FPR3: variants seen among roughly 807,000 people sequenced by gnomAD.
FPR3 encodes formyl peptide receptor 3.
For missense variants in FPR3, 346 were observed against 443.2 expected (o/e 0.78, Z 1.97); for synonymous variants, 135 against 163.6 (o/e 0.83, Z 1.34).
At chr19:51,806,573 GC>G (rs1281977242) in intron 1 of FPR3, among the ~76,000 whole-genome samples, 1 of 152,172 alleles carries the variant, frequency 6.6e-6, no homozygotes, top group Non-Finnish European at 1.5e-5. Flanking sequence ...TGTTTGATGT[GC>G]CCATTCTATA....
chr19:51,796,773 C>T (rs1034819880), intron 1 of FPR3, among the ~76,000 whole-genome samples: 14 of 152,074 alleles, frequency 9.2e-5, no homozygotes, highest in Non-Finnish European at 1.9e-4. Flanking sequence ...GTCTGGGAGG[C>T]AGAGAACATC....
chr19:51,803,290 TCTCA>T (rs755598443), intron 1 of FPR3, among the ~76,000 whole-genome samples: 4 of 152,174 alleles, frequency 2.6e-5, no homozygotes, highest in Non-Finnish European at 5.9e-5. Flanking sequence ...AATACAGTAC[TCTCA>T]CTAACAACTG....
chr19:51,811,698 GGAATAAAA>G (rs1683460425), intron 1 of FPR3: 1 of 152,174 alleles, frequency 6.6e-6, no homozygotes, highest in African/African-American at 2.4e-5. Flanking sequence ...GATGAACACG[GGAATAAAA>G]GACAAGAGAC....
chr19:51,801,762 T>C (rs964574803), intron 1 of FPR3, among the ~76,000 whole-genome samples: 9 of 152,186 alleles, frequency 5.9e-5, no homozygotes, highest in African/African-American at 1.9e-4. Flanking sequence ...GCTGCACGAA[T>C]TGACAAAATT....
rs577260775 is a variant in FPR3 at position 51,800,493 on chromosome 19, G to A, written c.-11+5162G>A. Among the ~76,000 whole-genome samples the A allele has an allele frequency of 2.6e-5, 4 of 152,300 alleles. No individual in the cohort carries two copies. The East Asian group carries it at 5.8e-4, about 22-fold the overall frequency. On this transcript the variant is annotated intron_variant, in intron 1 of 1. Coordinates refer to ENST00000339223, the MANE Select transcript of FPR3 (RefSeq NM_002030.5). Reference sequence around the variant, plus strand: ...GAGGTCTGGAAGTGGAGCATGGCCCGTTGCCTGGGAAAATGTTGATAACAT... The same window carrying A: ...GAGGTCTGGAAGTGGAGCATGGCCCATTGCCTGGGAAAATGTTGATAACAT...
At chr19:51,815,180 CA>C (rs1014688857) in intron 1 of FPR3, among the ~76,000 whole-genome samples, 1 of 152,088 alleles carries the variant, frequency 6.6e-6, no homozygotes, top group Non-Finnish European at 1.5e-5. Flanking sequence ...CTGACCACCA[CA>C]AAAATCAAGT....
At chr19:51,801,831 C>A (rs1453704083) in intron 1 of FPR3, among the ~76,000 whole-genome samples, 2 of 152,186 alleles carry the variant, frequency 1.3e-5, no homozygotes, top group African/African-American at 4.8e-5. Context: ...ATTAAATTTA[C>A]TTACTCTACT....
At chr19:51,795,664 C>A (rs1355370487) in intron 1 of FPR3, among the ~76,000 whole-genome samples, 3 of 151,600 alleles carry the variant, frequency 2.0e-5, no homozygotes, top group Admixed American at 6.6e-5. Flanking sequence ...CAGGCACCTG[C>A]CACCACGCCT....
At chr19:51,808,292 T>C (rs1330973753) in intron 1 of FPR3, among the ~76,000 whole-genome samples, 1 of 152,222 alleles carries the variant, frequency 6.6e-6, no homozygotes, top group Non-Finnish European at 1.5e-5. Flanking sequence ...TCTGAGTCCA[T>C]ACACTTCTCT....
At chr19:51,817,358 A>T (rs985687866) in intron 1 of FPR3, among the ~76,000 whole-genome samples, 4 of 152,164 alleles carry the variant, frequency 2.6e-5, no homozygotes, top group Non-Finnish European at 5.9e-5. Context: ...CCAAAAACTA[A>T]GTTGTTTATC....
At chr19:51,798,318 C>A (rs10412841) in intron 1 of FPR3, among the ~76,000 whole-genome samples, 13,733 of 151,994 alleles carry the variant, frequency 0.09, 865 homozygotes, top group African/African-American at 0.17. Context: ...CTCTGGATAG[C>A]GGCCAGGGGT....
At chr19:51,796,294 G>C (rs1338479789) in intron 1 of FPR3, among the ~76,000 whole-genome samples, 1 of 152,220 alleles carries the variant, frequency 6.6e-6, no homozygotes, top group Non-Finnish European at 1.5e-5. Flanking sequence ...AGTGGGTGGA[G>C]CCCAGTGTGT....
chr19:51,800,999 C>T (rs1353508835), intron 1 of FPR3, among the ~76,000 whole-genome samples: 2 of 152,086 alleles, frequency 1.3e-5, no homozygotes, highest in African/African-American at 4.8e-5. Context: ...TGGCACCGGG[C>T]CCTTTTCCTC....
chr19:51,823,626 G>C (rs532792587), intron 1 of FPR3, 113 bp from the exon 2 acceptor site: 2 of 795,968 alleles, frequency 2.5e-6, no homozygotes, highest in Non-Finnish European at 4.0e-6. Flanking sequence ...CATTCACAAG[G>C]CTCACTGGGG....
chr19:51,816,439 G>C (rs2084137677), intron 1 of FPR3, among the ~76,000 whole-genome samples: 1 of 152,186 alleles, frequency 6.6e-6, no homozygotes, highest in Non-Finnish European at 1.5e-5. Flanking sequence ...GTAGAGACAA[G>C]GTTTTGCCAC....
chr19:51,824,125 G>T lies in FPR3; in HGVS notation c.377G>T (p.Cys126Phe). 4 of 1,613,938 alleles carry T rather than the reference G, an allele frequency of 2.5e-6. No individual in the cohort carries two copies. The highest frequency in any genetic ancestry group is 3.4e-6 in the Non-Finnish European group (4 of 1,179,924). ...ATCATTGCTCTGGACCGCTGTATTT[G>T]TGTCCTGCATCCAGCCTGGGCCCAG... ...ITIIALDRCI[C>F]VLHPAWAQNH... Residue 126 changes from cysteine to phenylalanine, a missense_variant, in exon 2 of 2, where the codon TGT becomes TTT. Physicochemically the swap from Cys to Phe is radical, Grantham distance 205. Transcript: ENST00000339223. This position sits in a 1 kb window ranked among gnomAD's most constrained non-coding sequence, Gnocchi z 4.7.
chr19:51,823,916 A>G lies in FPR3; in HGVS notation c.168A>G (p.Thr56=), dbSNP rs2084210245. Residue 56 remains threonine (T), a synonymous_variant, in exon 2 of 2, where the codon ACA becomes ACG. Coordinates refer to ENST00000339223, the MANE Select transcript of FPR3 (RefSeq NM_002030.5). ...TCTGGGTGGCTGGATTCCGGATGACACGCACAGTCAACACCATCTGTTACC... is the reference window on the plus strand; with the variant it reads ...TCTGGGTGGCTGGATTCCGGATGACGCGCACAGTCAACACCATCTGTTACC... ...LVIWVAGFRM[T]RTVNTICYLN... 1 of 1,614,080 alleles carries G rather than the reference A, an allele frequency of 6.2e-7. No homozygotes were observed. Among genetic ancestry groups the G allele is most frequent in the Non-Finnish European group, 8.5e-7 (1 of 1,179,988 alleles).
At position 51,795,533 on chromosome 19, in the gene FPR3, T is replaced by G. The variant is rs2083992714; in HGVS notation, c.-11+202T>G. On this transcript the variant is annotated intron_variant, in intron 1 of 1. Coordinates refer to ENST00000339223, the MANE Select transcript of FPR3 (RefSeq NM_002030.5). ...TTTTTTTTTTTTTTTTTTTTTTTTT[T>G]GATGGAGTCTTGCGCTGTCACCCAG... Among the ~76,000 whole-genome samples the G allele has an allele frequency of 4.0e-5, 5 of 126,282 alleles. No individual in the cohort carries two copies. In the East Asian group the frequency reaches 7.1e-4, roughly 18 times the overall value. The allele number at this position is 126,282 out of a possible 152,430, so 82.8% of individuals were successfully genotyped here. A position where few individuals can be genotyped will look rare whatever the true frequency, so the allele number is the denominator to read the frequency against.
intron 1 of FPR3, among the ~76,000 whole-genome samples, chr19:51,810,320 G>C (rs2045524911): frequency 6.6e-6 from 1 of 152,188 alleles, no homozygotes; most frequent in African/African-American, 2.4e-5. Flanking sequence ...ATCCTCAAAA[G>C]CTAGAGTTAA....
Sources: gnomAD v4.1 joint callset for allele counts (sites outside exome capture counted in the v4.1 genomes callset) on GRCh38, gnomAD v4.1.1 for gene constraint, Gnocchi (gnomAD v3.1) non-coding constraint, MANE v1.5 for transcripts, NCBI Gene and HGNC (gene_info 2026-07-23, HGNC 2026-07-21) for gene names.